Variants in SPIRE2 observed in about 807,000 individuals in gnomAD.
The protein encoded by SPIRE2 is spire type actin nucleation factor 2, also known as protein spire homolog 2.
A neutral mutation model predicts 80.7 loss-of-function variants in SPIRE2; 76 were observed. The ratio of observed to expected loss-of-function variants is 0.94; its 90% CI spans 0.78 to 1.14. The LOEUF is 1.14. Among genes scored for constraint, SPIRE2 ranks in the 50% most tolerant of loss-of-function variants. The pLI, the probability that SPIRE2 is intolerant of heterozygous loss-of-function variation, is 0.00. For missense variants in SPIRE2, 1,196 were observed against 1,015.3 expected, an observed-to-expected ratio of 1.18 and a Z score of -2.42; for synonymous variants, 535 against 432.6, an observed-to-expected ratio of 1.24 and a Z score of -2.94.
chr16:89,853,735 C>T (rs577873658), intron 3 of SPIRE2, among the ~76,000 whole-genome samples: 2 of 152,038 alleles, frequency 1.3e-5, no homozygotes, highest in South Asian at 2.1e-4. Context: ...CAGCAGGTGC[C>T]GCGCCTTCTT....
At chr16:89,847,334 C>T (rs1009086720) in intron 2 of SPIRE2, among the ~76,000 whole-genome samples, 9 of 152,150 alleles carry the variant, frequency 5.9e-5, no homozygotes, top group African/African-American at 1.9e-4. Context: ...GTCCGGTTGT[C>T]GTGTGTCTCA....
At chr16:89,840,390 C>CA (rs374166410) in intron 1 of SPIRE2, among the ~76,000 whole-genome samples, 1 of 151,438 alleles carries the variant, frequency 6.6e-6, no homozygotes, top group African/African-American at 2.4e-5. Context: ...ACTGGGACTA[C>CA]AGGCGCCCGC....
At chr16:89,856,466 AT>A (rs969364279) in intron 7 of SPIRE2, among the ~76,000 whole-genome samples, 1 of 151,954 alleles carries the variant, frequency 6.6e-6, no homozygotes, top group African/African-American at 2.4e-5. Context: ...TTTGTTTGAG[AT>A]GGAGTCTTGC....
chr16:89,851,668 G>A (rs1395122437), intron 3 of SPIRE2, among the ~76,000 whole-genome samples: 1 of 152,166 alleles, frequency 6.6e-6, no homozygotes, highest in East Asian at 1.9e-4. Flanking sequence ...GGGCACGGCT[G>A]CTGCCCCAAG....
intron 1 of SPIRE2, among the ~76,000 whole-genome samples, chr16:89,829,737 C>T (rs1598213330): frequency 7.1e-6 from 1 of 140,402 alleles, no homozygotes; most frequent in East Asian, 1.9e-4. Context: ...TGCCTCCACA[C>T]TCCTGCCATT....
At chr16:89,868,105 G>A (rs778969824) in intron 12 of SPIRE2, 84 bp from the exon 13 acceptor site, 45 of 1,460,600 alleles carry the variant, frequency 3.1e-5, no homozygotes, top group Non-Finnish European at 4.1e-5. Context: ...GACCTCGGAT[G>A]CGTGGAGGCC....
chr16:89,866,144 T>C (rs1380771400), intron 12 of SPIRE2, among the ~76,000 whole-genome samples: 2 of 145,150 alleles, frequency 1.4e-5, no homozygotes, highest in Admixed American at 7.0e-5. Flanking sequence ...GCAAGACCTG[T>C]CTGGGAAAAA....
chr16:89,849,008 T>G (rs2041594453), intron 2 of SPIRE2, among the ~76,000 whole-genome samples: 1 of 141,818 alleles, frequency 7.1e-6, no homozygotes, highest in Non-Finnish European at 1.6e-5. Flanking sequence ...CAGGGCCTTC[T>G]GTGGCGTTTC....
At chr16:89,845,814 A>G (rs1476941290) in intron 2 of SPIRE2, 10 of 570,056 alleles carry the variant, frequency 1.8e-5, no homozygotes, top group African/African-American at 3.8e-5. Context: ...ACCTGCCCTG[A>G]AGTCATGTCT....
At chr16:89,831,161 G>A (rs1018869778) in intron 1 of SPIRE2, among the ~76,000 whole-genome samples, 2 of 150,358 alleles carry the variant, frequency 1.3e-5, no homozygotes, top group African/African-American at 2.4e-5. Context: ...TGCCCACCTC[G>A]GCCTTCCAAA....
chr16:89,870,411 CTG>C lies in SPIRE2; in HGVS notation c.*141_*142del. On this transcript the variant is annotated 3_prime_UTR_variant, in exon 15 of 15. Coordinates refer to ENST00000378247, the MANE Select transcript of SPIRE2 (RefSeq NM_032451.2). ...CACACAGTCTATATATTTATATACA[CTG>C]TTTCCTGGCCCCAGAGCTCATTTGG... 1 of 600,410 alleles carries C rather than the reference CTG, an allele frequency of 1.7e-6. No individual in the cohort carries two copies. Among genetic ancestry groups the C allele is most frequent in the South Asian group, 2.2e-5 (1 of 46,264 alleles). The allele number at this position is 600,410 out of a possible 1,614,324, so 37.2% of individuals were successfully genotyped here. A position where few individuals can be genotyped will look rare whatever the true frequency, so the allele number is the denominator to read the frequency against.
rs191895771 is a variant in SPIRE2, at chr16:89,868,893, C to T, written c.1807-674C>T. ...ATAAAAGTATGTCACCAGCCAGGCG[C>T]GGTGGCTCATGCCTGCAGTTCCTGC... On this transcript the variant is annotated intron_variant, in intron 13 of 14. Transcript: ENST00000378247. 2.0e-3 allele frequency among the ~76,000 whole-genome samples: 296 copies of T among 150,754 alleles called. 1 individual carries two copies. Among genetic ancestry groups the T allele is most frequent in the Non-Finnish European group, 9.8e-4 (66 of 67,686 alleles).
Position 89,854,321 on chromosome 16 carries a change from G to A in SPIRE2, c.681G>A (p.Leu227=). The change falls in exon 4 of 15, where the codon CTG becomes CTA. Residue 227 remains leucine, a synonymous_variant. Coordinates refer to ENST00000378247, the MANE Select transcript of SPIRE2 (RefSeq NM_032451.2). ...LQKLREDEPH[L]ETPRAELDSL... The stretch of plus-strand genomic sequence containing the variant: ...AGCTTCGGGAGGACGAGCCGCATCT[G>A]GAGACGCCTCGGGCAGAGCTGGACA... The A allele has an allele frequency of 6.2e-7, 1 of 1,612,620 alleles. No individual in the cohort carries two copies. Among genetic ancestry groups the A allele is most frequent in the Non-Finnish European group, 8.5e-7 (1 of 1,179,894 alleles).
At chr16:89,839,453 T>TG (rs536555756) in intron 1 of SPIRE2, among the ~76,000 whole-genome samples, 73 of 146,762 alleles carry the variant, frequency 5.0e-4, no homozygotes, top group Non-Finnish European at 9.0e-4. Context: ...TGGCAGTGGG[T>TG]GGGGGGCGGC....
At chr16:89,838,164 A>ATTTTTTT (rs34507409) in intron 1 of SPIRE2, among the ~76,000 whole-genome samples, 100 of 87,496 alleles carry the variant, frequency 1.1e-3, no homozygotes, top group Non-Finnish European at 1.4e-3. Context: ...CACGCTCAGC[A>ATTTTTTT]TTTTTTTTTT....
intron 1 of SPIRE2, among the ~76,000 whole-genome samples, chr16:89,831,056 C>T (rs2041375778): frequency 6.7e-6 from 1 of 150,362 alleles, no homozygotes; most frequent in Admixed American, 6.6e-5. Context: ...ACTACAGGCG[C>T]CCGCCACCAC....
chr16:89,851,018 A>T (rs1335116326), intron 3 of SPIRE2, among the ~76,000 whole-genome samples: 1 of 151,854 alleles, frequency 6.6e-6, no homozygotes, highest in Non-Finnish European at 1.5e-5. Context: ...ACGGGGTTTC[A>T]CCATGTTGGC....
At chr16:89,853,580 C>T (rs2041657805) in intron 3 of SPIRE2, among the ~76,000 whole-genome samples, 1 of 152,172 alleles carries the variant, frequency 6.6e-6, no homozygotes, top group Non-Finnish European at 1.5e-5. Flanking sequence ...TGTCCCAAAG[C>T]AGTGTGGCGG....
At position 89,834,224 on chromosome 16, in the gene SPIRE2, A is replaced by G. The variant is rs545238548; in HGVS notation, c.244+5430A>G. Among the ~76,000 whole-genome samples, 170 of 95,320 alleles carry G rather than the reference A, an allele frequency of 1.8e-3. 2 individuals carry two copies. Among genetic ancestry groups the G allele is most frequent in the Admixed American group, 0.014 (131 of 9,146 alleles). 62.5% of individuals were successfully genotyped at this position (95,320 alleles called of 152,430 possible). A position where few individuals can be genotyped will look rare whatever the true frequency, so the allele number is the denominator to read the frequency against. ...TGAATCTGTGAACCTGCCTGTGCTC[A>G]CGGTTGGCCGTCGTAGAAGCATGGA... On this transcript the variant is annotated intron_variant, in intron 1 of 14. Coordinates refer to ENST00000378247, the MANE Select transcript of SPIRE2 (RefSeq NM_032451.2).
Sources: allele counts gnomAD v4.1 joint callset (sites outside exome capture counted in the v4.1 genomes callset), GRCh38; gene constraint gnomAD v4.1.1; transcripts MANE v1.5; gene names NCBI Gene and HGNC (gene_info 2026-07-23, HGNC 2026-07-21).